The following ZNF28 variants were observed in gnomAD, a reference collection of about 807,000 sequenced individuals.
ZNF28 encodes zinc finger protein 28.
A neutral mutation model predicts 7.2 loss-of-function variants in ZNF28; 5 were observed. The observed-to-expected ratio is 0.70, with a 90% CI of 0.36 to 1.46. The LOEUF is 1.46. Ranked by LOEUF, ZNF28 falls within the 40% of genes most tolerant of loss-of-function variation. The pLI is 0.03. For synonymous variants in ZNF28, 288 were observed against 292.4 expected, an observed-to-expected ratio of 0.99 and a Z score of 0.15; for missense variants, 879 against 866.6, an observed-to-expected ratio of 1.01 and a Z score of -0.18.
chr19:52,802,652 G>A (rs895399259), intron 3 of ZNF28, among the ~76,000 whole-genome samples: 3 of 152,000 alleles, frequency 2.0e-5, no homozygotes, highest in African/African-American at 7.3e-5. Flanking sequence ...ACTCCACCCT[G>A]GATGACAGAG....
At chr19:52,809,550 G>A (rs1344262012) in intron 2 of ZNF28, among the ~76,000 whole-genome samples, 2 of 152,202 alleles carry the variant, frequency 1.3e-5, no homozygotes, top group Non-Finnish European at 2.9e-5. Flanking sequence ...GCTCACGCCT[G>A]TAATCCCAGC....
intron 1 of ZNF28, 68 bp from the exon 2 acceptor site, chr19:52,818,099 C>T: frequency 7.1e-7 from 1 of 1,416,518 alleles, no homozygotes; most frequent in Non-Finnish European, 9.6e-7. Flanking sequence ...CACAACAACA[C>T]ATACAAAGGA....
At chr19:52,815,266 A>C (rs1454785008) in intron 2 of ZNF28, among the ~76,000 whole-genome samples, 1 of 145,458 alleles carries the variant, frequency 6.9e-6, no homozygotes, top group Non-Finnish European at 1.5e-5. Flanking sequence ...CTGTAATCTC[A>C]GCACTTTGGG....
At position 52,804,923 on chromosome 19, in the gene ZNF28, C is replaced by T. The variant is rs570794434; in HGVS notation, c.142+3084G>A. Among the ~76,000 whole-genome samples the T allele has an allele frequency of 7.2e-5, 11 of 152,304 alleles. 1 individual carries two copies. In the South Asian group the frequency reaches 1.7e-3, roughly 23 times the overall value. Reference sequence around the variant, plus strand: ...AAACAAAGGAAGTTAAGAGTCTGTACTGTAAAACTTGCAATACTTGAAGCC... The same window carrying T: ...AAACAAAGGAAGTTAAGAGTCTGTATTGTAAAACTTGCAATACTTGAAGCC... On this transcript the variant is annotated intron_variant, in intron 3 of 3. Coordinates refer to ENST00000457749, the MANE Select transcript of ZNF28 (RefSeq NM_006969.5).
In ZNF28 at chr19:52,800,193, T is replaced by C; in HGVS notation, c.1652A>G (p.Tyr551Cys). The change falls in exon 4 of 4, where the codon TAC (tyrosine) becomes TGC (cysteine). Residue 551 changes from tyrosine (Y) to cysteine (C), a missense_variant. Physicochemically the swap from Tyr to Cys is radical, Grantham distance 194. Around this residue, in one of 2 missense-constraint regions of ZNF28, gnomAD observed 864 missense variants for 830.2 expected, o/e 1.04. Coordinates refer to ENST00000457749, the MANE Select transcript of ZNF28 (RefSeq NM_006969.5). Reference sequence around the variant, plus strand: ...AACTTTCTCACATTCTTCACATTTGTACGGTTTCTCTGCAGTATGAAGTTT... The same window carrying C: ...AACTTTCTCACATTCTTCACATTTGCACGGTTTCTCTGCAGTATGAAGTTT... The part of the protein sequence containing the change: ...HHKLHTAEKP[Y>C]KCEECEKVFS... The C allele has an allele frequency of 6.2e-7, 1 of 1,613,646 alleles. No homozygotes were observed. The highest frequency in any genetic ancestry group is 8.5e-7 in the Non-Finnish European group (1 of 1,179,870).
chr19:52,803,143 G>A (rs959671241), intron 3 of ZNF28, among the ~76,000 whole-genome samples: 3 of 152,114 alleles, frequency 2.0e-5, no homozygotes, highest in Non-Finnish European at 4.4e-5. Context: ...GCAATGGTAT[G>A]ATCTTGGCTC....
chr19:52,809,735 G>T, intron 2 of ZNF28: 1 of 414,112 alleles, frequency 2.4e-6, no homozygotes, highest in Non-Finnish European at 4.3e-6. Flanking sequence ...AACCCAGGAG[G>T]AGGGGGTTGC....
At position 52,801,700 on chromosome 19, in the gene ZNF28, T is replaced by G. The variant is rs768249489; in HGVS notation, c.145A>C (p.Ile49Leu). The G allele has an allele frequency of 6.2e-7, 1 of 1,610,366 alleles. No homozygotes were observed. Among genetic ancestry groups the G allele is most frequent in the South Asian group, 1.1e-5 (1 of 90,600 alleles). Residue 49 changes from isoleucine (I) to leucine (L), a missense_variant and splice_region_variant, in exon 4 of 4, where the codon ATC becomes CTC. Around this residue, in one of 2 missense-constraint regions of ZNF28, gnomAD observed 864 missense variants for 830.2 expected, o/e 1.04. Transcript: ENST00000457749. ...GTCTTCATCATGCATTTGGAAGAGA[T>G]ATCTACAAAATATAAACACCAATAG... ...ENYRNLVSLD[I>L]SSKCMMKTFF... is the part of the protein sequence containing the mutation.
chr19:52,800,329 T>C lies in ZNF28; in HGVS notation c.1516A>G (p.Ser506Gly). Residue 506 changes from serine (S) to glycine (G), a missense_variant, in exon 4 of 4, where the codon AGT becomes GGT. Around this residue, in one of 2 missense-constraint regions of ZNF28, gnomAD observed 864 missense variants for 830.2 expected, o/e 1.04. Transcript: ENST00000457749. ...KCKVCDKAFR[S>G]DSCLTEHQRV... ...TGATGTTCTGTAAGGCATGAATCAC[T>C]CCGGAAAGCCTTGTCACAAACCTTA... The C allele has an allele frequency of 1.2e-6, 2 of 1,613,610 alleles. No individual in the cohort carries two copies. Among genetic ancestry groups the C allele is most frequent in the Non-Finnish European group, 1.7e-6 (2 of 1,179,900 alleles).
At chr19:52,806,095 C>G (rs973223181) in intron 3 of ZNF28, 3 of 152,120 alleles carry the variant, frequency 2.0e-5, no homozygotes, top group Non-Finnish European at 4.4e-5. Context: ...AAACACTGTA[C>G]ATATATGTTA....
intron 3 of ZNF28, among the ~76,000 whole-genome samples, chr19:52,803,385 T>C (rs1210613634): frequency 6.6e-6 from 1 of 152,182 alleles, no homozygotes; most frequent in Non-Finnish European, 1.5e-5. Context: ...CTGTGGCACT[T>C]TGTGACATTA....
intron 2 of ZNF28, among the ~76,000 whole-genome samples, chr19:52,813,352 AG>A: frequency 6.8e-6 from 1 of 147,834 alleles, no homozygotes. Flanking sequence ...AGGCCCAGGG[AG>A]TGGGGCAGGG....
intron 3 of ZNF28, among the ~76,000 whole-genome samples, chr19:52,804,353 T>C (rs570391664): frequency 3.9e-4 from 59 of 152,258 alleles, no homozygotes; most frequent in Non-Finnish European, 7.6e-4. Flanking sequence ...TGGAGTGTAG[T>C]GGCATGATTC....
At chr19:52,808,445 C>T (rs1237666239) in intron 2 of ZNF28, among the ~76,000 whole-genome samples, 1 of 152,066 alleles carries the variant, frequency 6.6e-6, no homozygotes, top group African/African-American at 2.4e-5. Context: ...TGAGAGAGAG[C>T]ATGACTGATG....
In ZNF28 at chr19:52,801,629, C is replaced by T. The variant is rs140699630; in HGVS notation, c.216G>A (p.Gly72=). 131 of 1,613,862 alleles carry T rather than the reference C, an allele frequency of 8.1e-5. No homozygotes were observed. In the Middle Eastern group the frequency reaches 1.6e-3, roughly 20 times the overall value. ...GATGACTTGCTTGTCTTTGCAATGT[C>T]CCTGTGTGGAACGCTTCTGTATTGC... ...GQGNTEAFHT[G]TLQRQASHHI... The change falls in exon 4 of 4, where the codon GGG becomes GGA. Residue 72 remains glycine (G), a synonymous_variant. Coordinates refer to ENST00000457749, the MANE Select transcript of ZNF28 (RefSeq NM_006969.5).
chr19:52,809,421 C>T (rs185744624), intron 2 of ZNF28, among the ~76,000 whole-genome samples: 125 of 152,200 alleles, frequency 8.2e-4, no homozygotes, highest in African/African-American at 2.9e-3. Context: ...GATGAAATAT[C>T]GAACTAAAAT....
chr19:52,800,661 T>C lies in ZNF28; in HGVS notation c.1184A>G (p.Lys395Arg). Residue 395 changes from lysine (K) to arginine (R), a missense_variant, in exon 4 of 4, where the codon AAA (lysine) becomes AGA (arginine). Coordinates refer to ENST00000457749, the MANE Select transcript of ZNF28 (RefSeq NM_006969.5). Reference protein sequence around the residue: ...CEECEKVFSRKSHLERHKRIH... With the variant: ...CEECEKVFSRRSHLERHKRIH... ...CCTCTTATGTCTTTCAAGATGTGAT[T>C]TGCGACTGAAAACTTTTTCACATTC... 2 of 1,613,444 alleles carry C rather than the reference T, an allele frequency of 1.2e-6. No homozygotes were observed. The highest frequency in any genetic ancestry group is 1.7e-6 in the Non-Finnish European group (2 of 1,179,728).
Position 52,800,993 on chromosome 19 carries a change from T to G in ZNF28, c.852A>C (p.Thr284=). The change falls in exon 4 of 4, where the codon ACA becomes ACC. Residue 284 remains threonine, a synonymous_variant. Coordinates refer to ENST00000457749, the MANE Select transcript of ZNF28 (RefSeq NM_006969.5). The stretch of plus-strand genomic sequence containing the variant: ...GAAGCGCCTTGTGAAGGAAGAGGGA[T>G]GTATTGTGACCAAAGATCTTGCCAC... ...NECGKIFGHN[T]SLFLHKALHT... 8.7e-6 allele frequency: 14 copies of G among 1,614,184 alleles called. No homozygotes were observed. Among genetic ancestry groups the G allele is most frequent in the Non-Finnish European group, 1.2e-5 (14 of 1,180,024 alleles).
At chr19:52,812,359 T>C (rs1473436808) in intron 2 of ZNF28, among the ~76,000 whole-genome samples, 2 of 141,242 alleles carry the variant, frequency 1.4e-5, no homozygotes, top group East Asian at 3.9e-4. Context: ...AGAAATCGGA[T>C]GATTGCCGGG....
Sources: gnomAD v4.1 joint callset for allele counts (sites outside exome capture counted in the v4.1 genomes callset) on GRCh38, gnomAD v4.1.1 for gene constraint, gnomAD v4.1.1 regional missense constraint, MANE v1.5 for transcripts, NCBI Gene and HGNC (gene_info 2026-07-23, HGNC 2026-07-21) for gene names.